The following GALNTL6 variants were observed in gnomAD, a reference collection of about 807,000 sequenced individuals.
GALNTL6 encodes the protein polypeptide N-acetylgalactosaminyltransferase like 6.
A neutral mutation model predicts 73.7 loss-of-function variants in GALNTL6; 46 were observed. That is an observed-to-expected ratio of 0.62 (90% CI 0.49 to 0.80). The LOEUF is 0.80. Among genes scored for constraint, GALNTL6 ranks in the 30% least tolerant of loss-of-function variants. GALNTL6 has a pLI of 0.00. For synonymous variants in GALNTL6, 259 were observed against 263.7 expected (o/e 0.98, Z 0.17); for missense variants, 604 against 755.0 (o/e 0.80, Z 2.34).
intron 5 of GALNTL6, among the ~76,000 whole-genome samples, chr4:172,637,389 G>T (rs1303997226): frequency 6.6e-6 from 1 of 152,052 alleles, no homozygotes; most frequent in East Asian, 1.9e-4. Context: ...ATAAGCTGGA[G>T]GTTTCAACCA....
At chr4:171,904,026 A>C (rs1737193240) in intron 2 of GALNTL6, among the ~76,000 whole-genome samples, 1 of 152,124 alleles carries the variant, frequency 6.6e-6, no homozygotes, top group Non-Finnish European at 1.5e-5. Flanking sequence ...AAAGTAGATA[A>C]AACCACAAAG....
intron 2 of GALNTL6, among the ~76,000 whole-genome samples, chr4:171,913,105 CA>C (rs1737520940): frequency 6.6e-6 from 1 of 152,116 alleles, no homozygotes; most frequent in Admixed American, 6.6e-5. Context: ...TTTTTACTTA[CA>C]TTTTCCCAAT....
At chr4:172,560,565 A>AGCCACT (rs1410921685) in intron 5 of GALNTL6, among the ~76,000 whole-genome samples, 2 of 152,288 alleles carry the variant, frequency 1.3e-5, no homozygotes, top group East Asian at 3.9e-4. Context: ...GCACATCAGT[A>AGCCACT]TTAAACTCAC....
chr4:172,132,847 A>C (rs1733538247), intron 2 of GALNTL6, among the ~76,000 whole-genome samples: 1 of 152,152 alleles, frequency 6.6e-6, no homozygotes, highest in South Asian at 2.1e-4. Context: ...CTGATCCTTT[A>C]AGTATCTTTT....
chr4:172,909,073 G>A (rs1157403878), intron 8 of GALNTL6, among the ~76,000 whole-genome samples: 1 of 151,622 alleles, frequency 6.6e-6, no homozygotes, highest in African/African-American at 2.4e-5. Context: ...ATAAAAATGT[G>A]AAGTTAACAT....
intron 8 of GALNTL6, among the ~76,000 whole-genome samples, chr4:172,898,562 CTCT>C (rs1746457977): frequency 6.6e-6 from 1 of 151,908 alleles, no homozygotes; most frequent in Non-Finnish European, 1.5e-5. Context: ...ATACAGAAAT[CTCT>C]TAAGTAAATC....
intron 5 of GALNTL6, among the ~76,000 whole-genome samples, chr4:172,708,972 A>G (rs1482614849): frequency 6.6e-6 from 1 of 152,180 alleles, no homozygotes; most frequent in Non-Finnish European, 1.5e-5. Context: ...GAGAAAAAAA[A>G]TTGCTGAGTT....
At chr4:172,481,718 C>T (rs536294743) in intron 5 of GALNTL6, among the ~76,000 whole-genome samples, 20 of 152,300 alleles carry the variant, frequency 1.3e-4, no homozygotes, top group South Asian at 1.0e-3. Flanking sequence ...GGTGCATCCA[C>T]GAACCCTGAG....
chr4:172,807,922 A>G (rs1741062738), intron 5 of GALNTL6, among the ~76,000 whole-genome samples: 1 of 152,144 alleles, frequency 6.6e-6, no homozygotes, highest in Non-Finnish European at 1.5e-5. Flanking sequence ...TCCCGGGTTC[A>G]ATCAATTCTC....
intron 5 of GALNTL6, among the ~76,000 whole-genome samples, chr4:172,671,798 A>G (rs1368568457): frequency 1.3e-5 from 2 of 152,136 alleles, no homozygotes; most frequent in African/African-American, 2.4e-5. Flanking sequence ...GGTGTGCCAT[A>G]TATGGCTCTT....
In GALNTL6 at chr4:172,347,390, T is replaced by G. The variant is rs146544700; in HGVS notation, c.387-1133T>G. Among the ~76,000 whole-genome samples, 30 of 152,316 alleles carry G rather than the reference T, an allele frequency of 2.0e-4. No homozygotes were observed. In the East Asian group the frequency reaches 5.4e-3, roughly 27 times the overall value. On this transcript the variant is annotated intron_variant, in intron 4 of 12. Transcript: ENST00000506823. ...CTTGTCCTAATGTTTAAAAAACAAT[T>G]GGCTTCATTGGGGATATCACCTTCA...
chr4:172,040,889 A>G (rs1376583837), intron 2 of GALNTL6, among the ~76,000 whole-genome samples: 2 of 152,070 alleles, frequency 1.3e-5, no homozygotes, highest in Non-Finnish European at 1.5e-5. Flanking sequence ...GCACAATATA[A>G]TTCTGTACAA....
At chr4:172,588,934 T>C (rs980160951) in intron 5 of GALNTL6, among the ~76,000 whole-genome samples, 3 of 152,184 alleles carry the variant, frequency 2.0e-5, no homozygotes, top group Non-Finnish European at 4.4e-5. Context: ...AAAATGTTCA[T>C]TGGGATTTAG....
chr4:171,926,906 TTTTG>T (rs747963913), intron 2 of GALNTL6, among the ~76,000 whole-genome samples: 3 of 152,144 alleles, frequency 2.0e-5, no homozygotes, highest in Non-Finnish European at 2.9e-5. Context: ...TATGTTTAAT[TTTTG>T]TTTGTTTATG....
chr4:173,013,531 G>T (rs1471475482), intron 11 of GALNTL6, among the ~76,000 whole-genome samples: 1 of 151,958 alleles, frequency 6.6e-6, no homozygotes, highest in Non-Finnish European at 1.5e-5. Context: ...TTTAAAAATT[G>T]CTGGTTCACT....
Position 172,504,806 on chromosome 4 carries a change from C to T in GALNTL6, c.553+156117C>T, listed in dbSNP as rs747609025. Reference sequence around the variant, plus strand: ...TAAAATGAGATTTTATCCCATCTTACGTGCCTTGTAAATGTGTATATTCTT... The same window carrying T: ...TAAAATGAGATTTTATCCCATCTTATGTGCCTTGTAAATGTGTATATTCTT... On this transcript the variant is annotated intron_variant, in intron 5 of 12. Transcript: ENST00000506823. Among the ~76,000 whole-genome samples, 6 of 54,770 alleles carry T rather than the reference C, an allele frequency of 1.1e-4. 2 individuals carry two copies. Among genetic ancestry groups the T allele is most frequent in the Non-Finnish European group, 1.7e-4 (4 of 23,808 alleles). 35.9% of individuals were successfully genotyped at this position (54,770 alleles called of 152,430 possible).
At chr4:172,630,933 A>G (rs1739369565) in intron 5 of GALNTL6, among the ~76,000 whole-genome samples, 1 of 151,640 alleles carries the variant, frequency 6.6e-6, no homozygotes, top group Non-Finnish European at 1.5e-5. Flanking sequence ...AACAGAAAAT[A>G]AAATTCTTAA....
intron 8 of GALNTL6, among the ~76,000 whole-genome samples, chr4:172,921,191 T>G (rs1747770274): frequency 6.6e-6 from 1 of 152,154 alleles, no homozygotes; most frequent in African/African-American, 2.4e-5. Context: ...GAAATAAGAT[T>G]AGAGAGATAG....
chr4:172,317,286 G>A (rs755869582), intron 4 of GALNTL6, among the ~76,000 whole-genome samples: 10 of 152,144 alleles, frequency 6.6e-5, no homozygotes, highest in Non-Finnish European at 1.2e-4. Flanking sequence ...GACTTGCATT[G>A]TGATGCTGAA....
Sources: allele counts gnomAD v4.1 joint callset (sites outside exome capture counted in the v4.1 genomes callset), GRCh38; gene constraint gnomAD v4.1.1; transcripts MANE v1.5; gene names NCBI Gene and HGNC (gene_info 2026-07-23, HGNC 2026-07-21).